The following CLSTN2 variants were observed in gnomAD, a reference collection of about 807,000 sequenced individuals.
CLSTN2 encodes calsyntenin 2.
CLSTN2 carries 48 observed loss-of-function variants against 101.2 expected under a neutral mutation model. The ratio of observed to expected loss-of-function variants is 0.47; its 90% CI spans 0.38 to 0.60. CLSTN2 has a LOEUF of 0.60. CLSTN2 is among the 20% of genes least tolerant of loss of function. The pLI, the probability that CLSTN2 is intolerant of heterozygous loss-of-function variation, is 0.00. For synonymous variants in CLSTN2, 481 were observed against 463.6 expected, an observed-to-expected ratio of 1.04 and a Z score of -0.48; for missense variants, 1,160 against 1,238.2, an observed-to-expected ratio of 0.94 and a Z score of 0.95.
At chr3:140,331,300 G>A (rs941695625) in intron 2 of CLSTN2, among the ~76,000 whole-genome samples, 1 of 152,160 alleles carries the variant, frequency 6.6e-6, no homozygotes, top group Non-Finnish European at 1.5e-5. Flanking sequence ...TTCTACCTGG[G>A]CTGGCAGCTG....
chr3:140,522,872 C>G (rs1935060097), intron 8 of CLSTN2, among the ~76,000 whole-genome samples: 1 of 148,732 alleles, frequency 6.7e-6, no homozygotes, highest in African/African-American at 2.5e-5. Flanking sequence ...TGAGTTTAAT[C>G]ATTTGCTGTG....
intron 4 of CLSTN2, among the ~76,000 whole-genome samples, chr3:140,407,080 C>A (rs148013909): frequency 1.3e-5 from 2 of 152,128 alleles, no homozygotes; most frequent in African/African-American, 2.4e-5. Flanking sequence ...CCCCTGACAG[C>A]GAGGTGTACA....
intron 2 of CLSTN2, among the ~76,000 whole-genome samples, chr3:140,248,698 C>CA (rs1340046955): frequency 6.6e-6 from 1 of 152,212 alleles, no homozygotes. Context: ...TGCAGGATCA[C>CA]TGCATGAATG....
intron 1 of CLSTN2, among the ~76,000 whole-genome samples, chr3:139,972,494 C>G: frequency 6.6e-6 from 1 of 152,132 alleles, no homozygotes; most frequent in East Asian, 1.9e-4. Flanking sequence ...AGACAGTGGA[C>G]TAAACACTCT....
chr3:140,042,079 A>T (rs2007772337), intron 1 of CLSTN2, among the ~76,000 whole-genome samples: 1 of 152,226 alleles, frequency 6.6e-6, no homozygotes, highest in Non-Finnish European at 1.5e-5. Flanking sequence ...GTTTTAGTAT[A>T]TTCACAGAGC....
At chr3:140,505,836 A>G (rs1192609580) in intron 8 of CLSTN2, 1 of 152,214 alleles carries the variant, frequency 6.6e-6, no homozygotes, top group South Asian at 2.1e-4. Context: ...ATTTTCTTCA[A>G]CTACATTACT....
At chr3:140,109,495 C>T (rs2009117683) in intron 1 of CLSTN2, among the ~76,000 whole-genome samples, 1 of 152,184 alleles carries the variant, frequency 6.6e-6, no homozygotes, top group African/African-American at 2.4e-5. Context: ...GCGAATCTCC[C>T]TTCCTGTTGG....
intron 2 of CLSTN2, among the ~76,000 whole-genome samples, chr3:140,372,272 C>T (rs1277230650): frequency 6.6e-6 from 1 of 152,150 alleles, no homozygotes; most frequent in Non-Finnish European, 1.5e-5. Context: ...TCTATAGATG[C>T]TTGTCTGAAG....
intron 1 of CLSTN2, among the ~76,000 whole-genome samples, chr3:140,040,019 A>G (rs1315868985): frequency 6.6e-6 from 1 of 152,208 alleles, no homozygotes; most frequent in Non-Finnish European, 1.5e-5. Flanking sequence ...TCTGTACAGT[A>G]AAATTCATTG....
At chr3:140,022,765 T>C (rs1027475436) in intron 1 of CLSTN2, among the ~76,000 whole-genome samples, 33 of 152,296 alleles carry the variant, frequency 2.2e-4, no homozygotes, top group African/African-American at 7.0e-4. Flanking sequence ...CTGGTGTGAC[T>C]TGTAGAATCT....
At chr3:140,316,899 A>C (rs955924219) in intron 2 of CLSTN2, among the ~76,000 whole-genome samples, 1 of 152,224 alleles carries the variant, frequency 6.6e-6, no homozygotes, top group African/African-American at 2.4e-5. Context: ...AACTACTCCA[A>C]GTTTTAAACT....
intron 1 of CLSTN2, among the ~76,000 whole-genome samples, chr3:140,164,372 G>A (rs527517511): frequency 3.9e-5 from 6 of 152,142 alleles, no homozygotes; most frequent in African/African-American, 1.4e-4. Flanking sequence ...AGATACTGAG[G>A]TGCAGAACTG....
At chr3:140,556,377 C>A in intron 10 of CLSTN2, 136 bp from the exon 11 acceptor site, 1 of 777,264 alleles carries the variant, frequency 1.3e-6, no homozygotes, top group Non-Finnish European at 2.2e-6. Context: ...CATTTGTACA[C>A]ACAACTGTGT....
At chr3:140,561,100 G>A (rs961994758) in intron 12 of CLSTN2, among the ~76,000 whole-genome samples, 1 of 151,538 alleles carries the variant, frequency 6.6e-6, no homozygotes, top group Non-Finnish European at 1.5e-5. Flanking sequence ...TTAAATTTCT[G>A]TTTTAATAAA....
intron 2 of CLSTN2, among the ~76,000 whole-genome samples, chr3:140,215,623 T>C (rs1256574510): frequency 1.3e-5 from 2 of 152,136 alleles, no homozygotes; most frequent in Non-Finnish European, 2.9e-5. Context: ...ACAGTAAACA[T>C]TCAGTAGGTG....
intron 1 of CLSTN2, among the ~76,000 whole-genome samples, chr3:139,942,133 G>A (rs1935142316): frequency 1.3e-5 from 2 of 152,306 alleles, no homozygotes; most frequent in South Asian, 2.1e-4. Context: ...AGGTCAGAGA[G>A]GCTCTGCTGC....
At chr3:140,256,638 T>A (rs1454593972) in intron 2 of CLSTN2, among the ~76,000 whole-genome samples, 1 of 152,208 alleles carries the variant, frequency 6.6e-6, no homozygotes, top group Non-Finnish European at 1.5e-5. Context: ...GAAGAACATA[T>A]TTGGACCTGA....
intron 1 of CLSTN2, among the ~76,000 whole-genome samples, chr3:140,158,421 A>G (rs1445749192): frequency 9.2e-5 from 14 of 152,306 alleles, no homozygotes; most frequent in South Asian, 2.1e-4. Flanking sequence ...GCTGAAAGTC[A>G]AATGAAGAAC....
In CLSTN2 at chr3:140,225,605, C is replaced by A. The variant is rs370952010; in HGVS notation, c.232+49532C>A. On this transcript the variant is annotated intron_variant, in intron 2 of 16. Transcript: ENST00000458420. ...CTCCGCCTCCCGGGTTCAAGTGATT[C>A]TTCTGCCTCAGCCTCCAGAGTAGCT... Among the ~76,000 whole-genome samples, 57 of 152,140 alleles carry A rather than the reference C, an allele frequency of 3.7e-4. 1 individual carries two copies. The highest frequency in any genetic ancestry group is 3.7e-3 in the East Asian group (19 of 5,184).
Sources: gnomAD v4.1 joint callset for allele counts (sites outside exome capture counted in the v4.1 genomes callset) on GRCh38, gnomAD v4.1.1 for gene constraint, MANE v1.5 for transcripts, NCBI Gene and HGNC (gene_info 2026-07-23, HGNC 2026-07-21) for gene names.